MALRD1: variants seen among roughly 807,000 people sequenced by gnomAD.
The protein encoded by MALRD1 is MAM and LDL-receptor class A domain-containing protein 1.
Under a neutral mutation model 242.1 loss-of-function variants are expected in MALRD1, and 247 were observed. The observed-to-expected ratio is 1.02, with a 90% CI of 0.92 to 1.13. The LOEUF (loss-of-function observed/expected upper bound fraction) is 1.13. Ranked by LOEUF, MALRD1 falls within the 50% of genes most tolerant of loss-of-function variation. MALRD1 has a pLI of 0.00. For synonymous variants in MALRD1, 995 were observed against 866.6 expected, an observed-to-expected ratio of 1.15 and a Z score of -2.60; for missense variants, 2,989 against 2,533.1, an observed-to-expected ratio of 1.18 and a Z score of -3.86.
intron 26 of MALRD1, among the ~76,000 whole-genome samples, chr10:19,361,301 T>A (rs893653453): frequency 2.0e-5 from 3 of 152,050 alleles, no homozygotes; most frequent in African/African-American, 7.2e-5. Context: ...CTGGCCAGCA[T>A]GTGAATGTGA....
chr10:19,487,187 CT>C (rs1427633401), intron 29 of MALRD1, among the ~76,000 whole-genome samples: 3 of 152,032 alleles, frequency 2.0e-5, no homozygotes, highest in African/African-American at 7.2e-5. Flanking sequence ...TGTGAGATAT[CT>C]TTCATTTCAT....
chr10:19,305,985 A>ATATACTATATATTATATAT (rs1842158097), intron 21 of MALRD1, among the ~76,000 whole-genome samples: 1 of 124,364 alleles, frequency 8.0e-6, no homozygotes, highest in Non-Finnish European at 1.6e-5. Context: ...TATATATTAT[A>ATATACTATATATTATATAT]TATACTATAT....
chr10:19,651,339 C>T (rs1284624284), intron 36 of MALRD1, among the ~76,000 whole-genome samples: 2 of 151,970 alleles, frequency 1.3e-5, no homozygotes, highest in African/African-American at 4.8e-5. Context: ...ATGTTTCTTT[C>T]TAAATTAAAA....
intron 22 of MALRD1, 91 bp from the exon 23 acceptor site, chr10:19,327,470 CTA>C: frequency 1.1e-6 from 1 of 898,610 alleles, no homozygotes; most frequent in Admixed American, 2.6e-5. Flanking sequence ...GATATTGCAA[CTA>C]AAAAAAAAAA....
At chr10:19,065,791 T>C (rs1404377541) in intron 1 of MALRD1, among the ~76,000 whole-genome samples, 1 of 152,158 alleles carries the variant, frequency 6.6e-6, no homozygotes, top group African/African-American at 2.4e-5. Context: ...TTATTGTGAT[T>C]GAAAACACTA....
chr10:19,101,216 A>G (rs919243107), intron 4 of MALRD1, among the ~76,000 whole-genome samples: 8 of 149,408 alleles, frequency 5.4e-5, no homozygotes, highest in Non-Finnish European at 8.9e-5. Context: ...TGTTATACCA[A>G]GGAACTGAAT....
intron 21 of MALRD1, among the ~76,000 whole-genome samples, chr10:19,283,548 C>T (rs1258281518): frequency 6.6e-6 from 1 of 152,032 alleles, no homozygotes; most frequent in African/African-American, 2.4e-5. Flanking sequence ...CTCCCATTTC[C>T]TCTTCTTCAG....
chr10:19,352,189 G>A lies in MALRD1; in HGVS notation c.4333G>A (p.Gly1445Arg). Residue 1445 changes from glycine (G) to arginine (R), a missense_variant, in exon 26 of 40, where the codon GGG (glycine) becomes AGG (arginine). By Grantham distance (125) the Gly-to-Arg change is moderately radical (BLOSUM62 -2). Transcript: ENST00000454679. Reference sequence around the variant, plus strand: ...CCAACTCAAATTTGAAGGTAGAGTTGGGAAAGGTCAGCGTGGAGACATTGC... The same window carrying A: ...CCAACTCAAATTTGAAGGTAGAGTTAGGAAAGGTCAGCGTGGAGACATTGC... ...DFQLKFEGRVGKGQRGDIALD... is the reference protein window; with the variant it reads ...DFQLKFEGRVRKGQRGDIALD... 1 of 1,550,478 alleles carries A rather than the reference G, an allele frequency of 6.4e-7. No homozygotes were observed. Among genetic ancestry groups the A allele is most frequent in the Non-Finnish European group, 8.7e-7 (1 of 1,146,922 alleles).
chr10:19,213,680 C>T (rs892336154), intron 18 of MALRD1, among the ~76,000 whole-genome samples: 7 of 152,166 alleles, frequency 4.6e-5, no homozygotes, highest in East Asian at 1.9e-4. Context: ...TTATGAGCCA[C>T]GTTCTTCTGT....
intron 31 of MALRD1, among the ~76,000 whole-genome samples, chr10:19,511,703 A>T (rs1833407399): frequency 6.6e-6 from 1 of 152,208 alleles, no homozygotes; most frequent in African/African-American, 2.4e-5. Flanking sequence ...TTCAGGGTGA[A>T]CTAGAGGATC....
At chr10:19,375,834 C>G (rs1313110781) in intron 26 of MALRD1, among the ~76,000 whole-genome samples, 3 of 152,152 alleles carry the variant, frequency 2.0e-5, no homozygotes, top group Non-Finnish European at 4.4e-5. Flanking sequence ...AAAGAAAAAT[C>G]TCCAGGCGGC....
chr10:19,560,489 A>G (rs1229682740), intron 32 of MALRD1, among the ~76,000 whole-genome samples: 2 of 152,080 alleles, frequency 1.3e-5, no homozygotes, highest in African/African-American at 4.8e-5. Flanking sequence ...ATAAAATAAA[A>G]AATAAATAAA....
intron 21 of MALRD1, among the ~76,000 whole-genome samples, chr10:19,302,814 A>T (rs1842009863): frequency 6.6e-6 from 1 of 151,800 alleles, no homozygotes; most frequent in Non-Finnish European, 1.5e-5. Flanking sequence ...GTAAATATTC[A>T]ATAGGTGAGG....
In MALRD1 at chr10:19,665,504, C is replaced by T. The variant is rs535462970; in HGVS notation, c.6138-26778C>T. Among the ~76,000 whole-genome samples, 7 of 152,222 alleles carry T rather than the reference C, an allele frequency of 4.6e-5. No homozygotes were observed. In the South Asian group the frequency reaches 1.5e-3, roughly 32 times the overall value. On this transcript the variant is annotated intron_variant, in intron 36 of 39. Transcript: ENST00000454679. ...GATAAAGGGAATGGTAGAGTTCATT[C>T]TCTGTGGTTTTTTTCTCAATTGCCT...
chr10:19,287,509 G>A (rs1564531530), intron 21 of MALRD1, among the ~76,000 whole-genome samples: 1 of 151,720 alleles, frequency 6.6e-6, no homozygotes, highest in Non-Finnish European at 1.5e-5. Flanking sequence ...TGTTTCCTTT[G>A]TTTATATTTT....
In MALRD1 at chr10:19,442,129, C is replaced by G. The variant is rs1275818187; in HGVS notation, c.4846-8178C>G. On this transcript the variant is annotated intron_variant, in intron 28 of 39. Transcript: ENST00000454679. Reference sequence around the variant, plus strand: ...GGGAGTTCACTCATGATTTGGCTCTCTGTTAGTCTGTTATTGGTGTATAGG... The same window carrying G: ...GGGAGTTCACTCATGATTTGGCTCTGTGTTAGTCTGTTATTGGTGTATAGG... Among the ~76,000 whole-genome samples the G allele has an allele frequency of 2.0e-5, 3 of 152,068 alleles. No individual in the cohort carries two copies. In the East Asian group the frequency reaches 5.8e-4, roughly 29 times the overall value.
chr10:19,618,745 A>C (rs1281763132), intron 36 of MALRD1, among the ~76,000 whole-genome samples: 1 of 152,050 alleles, frequency 6.6e-6, no homozygotes, highest in Non-Finnish European at 1.5e-5. Flanking sequence ...TGTAATTTAC[A>C]ATAAAGTGAT....
intron 5 of MALRD1, among the ~76,000 whole-genome samples, chr10:19,112,053 C>G (rs539636934): frequency 6.6e-6 from 1 of 152,022 alleles, no homozygotes; most frequent in African/African-American, 2.4e-5. Flanking sequence ...AGTTAATCAT[C>G]AGAATCACAT....
chr10:19,305,902 C>T (rs534447562), intron 21 of MALRD1, among the ~76,000 whole-genome samples: 2 of 125,506 alleles, frequency 1.6e-5, no homozygotes, highest in South Asian at 2.3e-4. Flanking sequence ...ATTATATATA[C>T]TATATACTAT....
Sources: gnomAD v4.1 joint callset for allele counts (sites outside exome capture counted in the v4.1 genomes callset) on GRCh38, gnomAD v4.1.1 for gene constraint, MANE v1.5 for transcripts, NCBI Gene and HGNC (gene_info 2026-07-23, HGNC 2026-07-21) for gene names.